The following ABHD5 variants were observed in gnomAD, a reference collection of about 807,000 sequenced individuals.
ABHD5 encodes 1-acylglycerol-3-phosphate O-acyltransferase ABHD5.
In ABHD5, 30 loss-of-function variants were observed where a neutral mutation model predicts 44.9. That is an observed-to-expected ratio of 0.67 (90% CI 0.50 to 0.91). ABHD5 has a LOEUF of 0.91. ABHD5 is among the 40% of genes least tolerant of loss of function. ABHD5 has a pLI of 0.00. For missense variants in ABHD5, 399 were observed against 423.4 expected, an observed-to-expected ratio of 0.94 and a Z score of 0.50; for synonymous variants, 167 against 147.0, an observed-to-expected ratio of 1.14 and a Z score of -0.99.
At chr3:43,733,828 T>C (rs1192169204) in intron 7 of ABHD5, 1 of 152,234 alleles carries the variant, frequency 6.6e-6, no homozygotes, top group Non-Finnish European at 1.5e-5. Context: ...AGAATGTCTT[T>C]AAGATGACAT....
At chr3:43,697,874 T>C (rs561680607) in intron 1 of ABHD5, among the ~76,000 whole-genome samples, 2 of 152,334 alleles carry the variant, frequency 1.3e-5, no homozygotes, top group South Asian at 4.1e-4. Context: ...CTTACTTACT[T>C]ACTAGCTGTA....
chr3:43,695,791 A>C (rs567809813), intron 1 of ABHD5, among the ~76,000 whole-genome samples: 1 of 152,208 alleles, frequency 6.6e-6, no homozygotes, highest in Non-Finnish European at 1.5e-5. Flanking sequence ...AGTGGTGTCT[A>C]TCTCTCACTC....
At chr3:43,706,427 GTCTC>G (rs572372929) in intron 3 of ABHD5, among the ~76,000 whole-genome samples, 2 of 151,706 alleles carry the variant, frequency 1.3e-5, no homozygotes, top group Admixed American at 6.6e-5. Flanking sequence ...TGCCTCTTTT[GTCTC>G]TCTCTCTTTT....
chr3:43,730,264 A>G (rs1415301558), intron 7 of ABHD5, among the ~76,000 whole-genome samples: 1 of 152,180 alleles, frequency 6.6e-6, no homozygotes, highest in African/African-American at 2.4e-5. Context: ...TTGGCTGCCA[A>G]CTAGTTCACA....
chr3:43,727,809 A>C (rs1187691059), intron 7 of ABHD5, among the ~76,000 whole-genome samples: 1 of 152,154 alleles, frequency 6.6e-6, no homozygotes, highest in African/African-American at 2.4e-5. Context: ...GGGTTTTGCC[A>C]TGTTGATCAG....
chr3:43,715,089 G>GTA (rs755865606), intron 5 of ABHD5, 31 bp downstream of exon 5: 103 of 912,692 alleles, frequency 1.1e-4, no homozygotes, highest in Non-Finnish European at 1.4e-4. Flanking sequence ...TTCACTCTGT[G>GTA]TGTGTGTGTG....
chr3:43,715,822 C>T (rs939905377), intron 5 of ABHD5, among the ~76,000 whole-genome samples: 2 of 152,120 alleles, frequency 1.3e-5, no homozygotes, highest in Non-Finnish European at 2.9e-5. Flanking sequence ...ACTATGAATC[C>T]TCTTAGAACC....
intron 3 of ABHD5, among the ~76,000 whole-genome samples, chr3:43,705,359 G>A (rs1367362695): frequency 6.6e-6 from 1 of 152,106 alleles, no homozygotes; most frequent in Non-Finnish European, 1.5e-5. Context: ...TCTTGAGTTA[G>A]TATAGCATAA....
chr3:43,718,924 T>G lies in ABHD5; in HGVS notation c.*392T>G, dbSNP rs192816274. ...TTCTGAGTCTCTTACACTGTAAAGG[T>G]GCACTTTATTTTCTTTGTCTTCCCC... On this transcript the variant is annotated 3_prime_UTR_variant, in exon 7 of 7. Coordinates refer to ENST00000644371, the MANE Select transcript of ABHD5 (RefSeq NM_016006.6). The G allele has an allele frequency of 6.2e-4, 107 of 173,510 alleles. No individual in the cohort carries two copies. The highest frequency in any genetic ancestry group is 2.5e-3 in the African/African-American group (104 of 42,010). The allele number at this position is 173,510 out of a possible 1,614,324, so 10.7% of individuals were successfully genotyped here.
chr3:43,721,044 G>A lies in ABHD5; in HGVS notation c.*2512G>A, dbSNP rs1358735145. ...ATACGCGATTTCAATAAAACAAGAAGTACTGGAAAGAATAAACAAAAATAG... is the reference window on the plus strand; with the variant it reads ...ATACGCGATTTCAATAAAACAAGAAATACTGGAAAGAATAAACAAAAATAG... On this transcript the variant is annotated 3_prime_UTR_variant, in exon 7 of 7. Coordinates refer to ENST00000644371, the MANE Select transcript of ABHD5 (RefSeq NM_016006.6). 6.6e-6 allele frequency: 1 copy of A among 151,896 alleles called. No individual in the cohort carries two copies. The highest frequency in any genetic ancestry group is 2.4e-5 in the African/African-American group (1 of 41,358). 9.4% of individuals were successfully genotyped at this position (151,896 alleles called of 1,614,324 possible). A position where few individuals can be genotyped will look rare whatever the true frequency, so the allele number is the denominator to read the frequency against.
In ABHD5 at chr3:43,718,397, T is replaced by C. The variant is rs749369978; in HGVS notation, c.961-46T>C. 1.1e-5 allele frequency: 17 copies of C among 1,489,734 alleles called. No homozygotes were observed. The South Asian group carries it at 1.8e-4, about 16-fold the overall frequency. 92.3% of individuals were successfully genotyped at this position (1,489,734 alleles called of 1,614,324 possible). A position where few individuals can be genotyped will look rare whatever the true frequency, so the allele number is the denominator to read the frequency against. ...TTGCTTATATATCATTCTGTTTTAT[T>C]AAATGCTTTTACTCACTAACTGTCT... On this transcript the variant is annotated intron_variant, in intron 6 of 6. Transcript: ENST00000644371.
intron 7 of ABHD5, among the ~76,000 whole-genome samples, chr3:43,732,243 C>T (rs1697248715): frequency 6.6e-6 from 1 of 151,966 alleles, no homozygotes; most frequent in Non-Finnish European, 1.5e-5. Context: ...CCAGCCTGGC[C>T]AACATGATGA....
chr3:43,703,771 A>G (rs1410599046), intron 3 of ABHD5, among the ~76,000 whole-genome samples: 1 of 152,136 alleles, frequency 6.6e-6, no homozygotes, highest in Non-Finnish European at 1.5e-5. Flanking sequence ...TCCCCATTGC[A>G]TAACTCTGGG....
rs368873010 is a variant in ABHD5 at position 43,696,906 on chromosome 3, TA to T, written c.48-2364del. 1.1e-4 allele frequency among the ~76,000 whole-genome samples: 16 copies of T among 152,322 alleles called. No individual in the cohort carries two copies. In the East Asian group the frequency reaches 2.1e-3, roughly 20 times the overall value. ...TTTTCTGTTAGAAAAAAACCCACTT[TA>T]AAAAATCACCTGTTTTGATGAAAAT... On this transcript the variant is annotated intron_variant, in intron 1 of 6. Transcript: ENST00000644371.
At chr3:43,712,955 C>A (rs532958713) in intron 4 of ABHD5, among the ~76,000 whole-genome samples, 1 of 152,218 alleles carries the variant, frequency 6.6e-6, no homozygotes, top group African/African-American at 2.4e-5. Context: ...TTCTGTGATG[C>A]ACCAATCATG....
chr3:43,718,692 AC>A lies in ABHD5; in HGVS notation c.*162del. On this transcript the variant is annotated 3_prime_UTR_variant, in exon 7 of 7. Coordinates refer to ENST00000644371, the MANE Select transcript of ABHD5 (RefSeq NM_016006.6). ...TTTAGGAATTCACTCACACATTTAA[AC>A]CAGTTAGTGCCTTCTAGAAGAATGG... 1.4e-6 allele frequency: 1 copy of A among 701,836 alleles called. No homozygotes were observed. Among genetic ancestry groups the A allele is most frequent in the South Asian group, 1.6e-5 (1 of 62,770 alleles). 43.5% of individuals were successfully genotyped at this position (701,836 alleles called of 1,614,324 possible). A position where few individuals can be genotyped will look rare whatever the true frequency, so the allele number is the denominator to read the frequency against.
At chr3:43,699,571 T>C in intron 2 of ABHD5, 1 of 540,928 alleles carries the variant, frequency 1.8e-6, no homozygotes, top group African/African-American at 1.9e-5. Flanking sequence ...GGGCCCCTGT[T>C]ATACTCTTAA....
At chr3:43,696,191 G>A (rs1559409550) in intron 1 of ABHD5, among the ~76,000 whole-genome samples, 1 of 152,196 alleles carries the variant, frequency 6.6e-6, no homozygotes, top group East Asian at 1.9e-4. Flanking sequence ...TGACACTTTG[G>A]TCACTGTTGA....
intron 4 of ABHD5, 43 bp downstream of exon 4, chr3:43,711,906 T>C (rs2149602507): frequency 6.2e-7 from 1 of 1,613,336 alleles, no homozygotes; most frequent in Non-Finnish European, 8.5e-7. Flanking sequence ...TTGTAAGTTA[T>C]GAGAAGAGCA....
Sources: gnomAD v4.1 joint callset for allele counts (sites outside exome capture counted in the v4.1 genomes callset) on GRCh38, gnomAD v4.1.1 for gene constraint, MANE v1.5 for transcripts, NCBI Gene and HGNC (gene_info 2026-07-23, HGNC 2026-07-21) for gene names.